SERGEF: variants seen among roughly 807,000 people sequenced by gnomAD.
SERGEF encodes secretion-regulating guanine nucleotide exchange factor.
SERGEF carries 51 observed loss-of-function variants against 50.0 expected under a neutral mutation model. That is an observed-to-expected ratio of 1.02 (90% confidence interval 0.81 to 1.29). SERGEF has a LOEUF of 1.29. Among genes scored for constraint, SERGEF ranks in the 50% most tolerant of loss-of-function variants. SERGEF has a pLI of 0.00. For synonymous variants in SERGEF, 205 were observed against 212.4 expected (o/e 0.97, Z 0.30); for missense variants, 521 against 557.0 (o/e 0.94, Z 0.65).
chr11:18,004,679 C>T, intron 3 of SERGEF, 144 bp from the exon 4 acceptor site: 1 of 633,478 alleles, frequency 1.6e-6, no homozygotes, highest in Non-Finnish European at 2.8e-6. Context: ...TTTTATTCCT[C>T]TAGGAATGAA....
chr11:18,010,185 A>G (rs1304738537), intron 1 of SERGEF: 2 of 800,034 alleles, frequency 2.5e-6, no homozygotes, highest in Admixed American at 2.6e-5. Context: ...AAATACATAT[A>G]TACATACTTA....
At chr11:17,962,718 C>T (rs1454501507) in intron 8 of SERGEF, among the ~76,000 whole-genome samples, 1 of 152,030 alleles carries the variant, frequency 6.6e-6, no homozygotes, top group Non-Finnish European at 1.5e-5. Flanking sequence ...ACGACAGAGG[C>T]CAAATGAGAA....
At chr11:17,898,274 ACAG>A (rs1471483189) in intron 9 of SERGEF, among the ~76,000 whole-genome samples, 1 of 152,202 alleles carries the variant, frequency 6.6e-6, no homozygotes, top group East Asian at 1.9e-4. Flanking sequence ...TCTGCCACAC[ACAG>A]CAGGAAGGGT....
chr11:17,883,741 C>T (rs375155826), intron 9 of SERGEF, among the ~76,000 whole-genome samples: 31 of 152,254 alleles, frequency 2.0e-4, no homozygotes, highest in East Asian at 1.4e-3. Context: ...CCTGGGAGAG[C>T]CCTAGATTTA....
At chr11:17,792,983 G>C (rs559897816) in intron 10 of SERGEF, among the ~76,000 whole-genome samples, 11 of 152,316 alleles carry the variant, frequency 7.2e-5, no homozygotes, top group Admixed American at 1.3e-4. Context: ...GCCATCCCCT[G>C]CTCCACACAT....
rs1398648637 is a variant in SERGEF, at chr11:17,991,118, C to G, written c.685+1813G>C. On this transcript the variant is annotated intron_variant, in intron 7 of 10. Transcript: ENST00000265965. This position sits in a 1 kb window ranked among gnomAD's most constrained non-coding sequence, Gnocchi z 4.9. ...CTATTAATCTCCATAATCTTTAGCT[C>G]ATTTTCAAAATATCAAAAACCATTT... 6.6e-6 allele frequency among the ~76,000 whole-genome samples: 1 copy of G among 152,110 alleles called. No homozygotes were observed. The highest frequency in any genetic ancestry group is 2.4e-5 in the African/African-American group (1 of 41,430).
At chr11:17,811,267 A>G (rs944562504) in intron 10 of SERGEF, among the ~76,000 whole-genome samples, 2 of 152,222 alleles carry the variant, frequency 1.3e-5, no homozygotes, top group African/African-American at 4.8e-5. Flanking sequence ...CTTGATCCCA[A>G]CCCAGGGTTC....
intron 9 of SERGEF, among the ~76,000 whole-genome samples, chr11:17,931,763 C>T (rs1016848335): frequency 2.0e-5 from 3 of 152,142 alleles, no homozygotes; most frequent in African/African-American, 7.2e-5. Context: ...TAGTCCCAGA[C>T]CTTAAGTATC....
chr11:17,825,276 A>G (rs1187048138), intron 10 of SERGEF, among the ~76,000 whole-genome samples: 1 of 152,182 alleles, frequency 6.6e-6, no homozygotes, highest in African/African-American at 2.4e-5. Context: ...GGGTATTCCT[A>G]TAATACAGTA....
intron 10 of SERGEF, among the ~76,000 whole-genome samples, chr11:17,833,938 G>A (rs1426082004): frequency 6.6e-6 from 1 of 152,220 alleles, no homozygotes; most frequent in African/African-American, 2.4e-5. Flanking sequence ...TCTCGGATGA[G>A]ACTCTGGACT....
intron 10 of SERGEF, among the ~76,000 whole-genome samples, chr11:17,827,064 T>C (rs1461689209): frequency 1.3e-5 from 2 of 152,204 alleles, no homozygotes; most frequent in Non-Finnish European, 2.9e-5. Flanking sequence ...ATGCCGAAAA[T>C]TTATCTCAAG....
intron 8 of SERGEF, among the ~76,000 whole-genome samples, chr11:17,984,285 G>C (rs1853552113): frequency 6.6e-6 from 1 of 152,182 alleles, no homozygotes; most frequent in African/African-American, 2.4e-5. Context: ...CATAGTTCGA[G>C]CATTAGCTTC....
intron 4 of SERGEF, among the ~76,000 whole-genome samples, chr11:18,003,912 G>T (rs2134011063): frequency 6.6e-6 from 1 of 152,276 alleles, no homozygotes; most frequent in Non-Finnish European, 1.5e-5. Context: ...CATCTCTGTG[G>T]ATATACATTT....
intron 10 of SERGEF, among the ~76,000 whole-genome samples, chr11:17,823,673 G>A (rs1850125792): frequency 6.6e-6 from 1 of 152,146 alleles, no homozygotes; most frequent in African/African-American, 2.4e-5. Context: ...ATCTGTAGGT[G>A]AGAGCCATCT....
At chr11:17,993,264 G>A (rs2134000692) in intron 6 of SERGEF, among the ~76,000 whole-genome samples, 1 of 152,330 alleles carries the variant, frequency 6.6e-6, no homozygotes, top group East Asian at 1.9e-4. Context: ...ATGAAAAGGG[G>A]AAAGGCTATA....
At chr11:17,871,086 T>C (rs547500029) in intron 10 of SERGEF, among the ~76,000 whole-genome samples, 2 of 152,164 alleles carry the variant, frequency 1.3e-5, no homozygotes, top group Admixed American at 6.5e-5. Flanking sequence ...AAAGAAGACA[T>C]AAGAATACTT....
At chr11:17,902,870 T>C (rs1851772333) in intron 9 of SERGEF, among the ~76,000 whole-genome samples, 1 of 152,198 alleles carries the variant, frequency 6.6e-6, no homozygotes, top group Non-Finnish European at 1.5e-5. Context: ...AGACATCACC[T>C]GCCCCAAGGA....
intron 8 of SERGEF, among the ~76,000 whole-genome samples, chr11:17,985,513 C>T (rs1853576059): frequency 6.6e-6 from 1 of 152,144 alleles, no homozygotes; most frequent in Non-Finnish European, 1.5e-5. Flanking sequence ...GATAAAGTCA[C>T]CCAGGAGTCC....
intron 5 of SERGEF, among the ~76,000 whole-genome samples, chr11:17,996,472 G>T (rs1265924671): frequency 6.6e-6 from 1 of 152,164 alleles, no homozygotes; most frequent in Non-Finnish European, 1.5e-5. Context: ...ATTTATGACT[G>T]CAAGATAGCT....
Sources: allele counts gnomAD v4.1 joint callset (sites outside exome capture counted in the v4.1 genomes callset), GRCh38; gene constraint gnomAD v4.1.1; non-coding constraint Gnocchi (gnomAD v3.1); transcripts MANE v1.5; gene names NCBI Gene and HGNC (gene_info 2026-07-23, HGNC 2026-07-21).